Variants in TMEM132C observed in about 807,000 individuals in gnomAD.
TMEM132C encodes transmembrane protein 132C, also known as protein phosphatase 1, regulatory subunit 152.
A neutral mutation model predicts 61.4 loss-of-function variants in TMEM132C; 29 were observed. That is an observed-to-expected ratio of 0.47 (90% CI 0.35 to 0.64). TMEM132C has a LOEUF of 0.64. TMEM132C is among the 30% of genes least tolerant of loss of function. TMEM132C has a pLI of 0.00. For missense variants in TMEM132C, 1,408 were observed against 1,476.9 expected (o/e 0.95, Z 0.76); for synonymous variants, 656 against 633.1 (o/e 1.04, Z -0.54).
intron 5 of TMEM132C, among the ~76,000 whole-genome samples, chr12:128,680,789 T>C (rs1954628267): frequency 6.6e-6 from 1 of 152,234 alleles, no homozygotes; most frequent in South Asian, 2.1e-4. Context: ...GATAATATCC[T>C]GTTCTAATAA....
chr12:128,540,391 C>T (rs1873694083), intron 2 of TMEM132C, among the ~76,000 whole-genome samples: 1 of 152,074 alleles, frequency 6.6e-6, no homozygotes, highest in Non-Finnish European at 1.5e-5. Flanking sequence ...GTAGCTGGGA[C>T]TACAGGCATG....
In TMEM132C at chr12:128,665,559, A is replaced by G. The variant is rs201373040; in HGVS notation, c.1306-3858A>G. 8.2e-4 allele frequency among the ~76,000 whole-genome samples: 123 copies of G among 150,878 alleles called. No individual in the cohort carries two copies. In the East Asian group the frequency reaches 0.013, roughly 16 times the overall value. ...AATGCAGGCGCAAAAATACAGGCGC[A>G]CACACACACACAGGCATATGCACCC... On this transcript the variant is annotated intron_variant, in intron 4 of 8. Coordinates refer to ENST00000435159, the MANE Select transcript of TMEM132C (RefSeq NM_001136103.3).
chr12:128,434,600 A>G (rs1055912799), intron 2 of TMEM132C, among the ~76,000 whole-genome samples: 1 of 148,880 alleles, frequency 6.7e-6, no homozygotes, highest in African/African-American at 2.5e-5. Flanking sequence ...GATAATTTAT[A>G]TTTCTTTTTT....
intron 2 of TMEM132C, among the ~76,000 whole-genome samples, chr12:128,446,424 T>C (rs925529544): frequency 2.6e-5 from 4 of 152,222 alleles, no homozygotes; most frequent in Non-Finnish European, 5.9e-5. Flanking sequence ...GCGTCTTCCG[T>C]AAGAAAGTCT....
At chr12:128,602,865 C>A (rs1345135620) in intron 3 of TMEM132C, among the ~76,000 whole-genome samples, 1 of 152,230 alleles carries the variant, frequency 6.6e-6, no homozygotes, top group Non-Finnish European at 1.5e-5. Context: ...ATGCTGCCAG[C>A]AAAGTGCAGA....
intron 2 of TMEM132C, among the ~76,000 whole-genome samples, chr12:128,475,450 G>A (rs1407267307): frequency 2.6e-5 from 4 of 151,940 alleles, no homozygotes; most frequent in Non-Finnish European, 5.9e-5. Context: ...TTGCACTTGG[G>A]GTGATAAAAA....
At chr12:128,304,470 A>G (rs889883739) in intron 1 of TMEM132C, among the ~76,000 whole-genome samples, 2 of 152,122 alleles carry the variant, frequency 1.3e-5, no homozygotes, top group African/African-American at 4.8e-5. Context: ...TTAGCTGGGC[A>G]TGGTGGCGGG....
At chr12:128,339,962 C>T (rs1266602266) in intron 1 of TMEM132C, among the ~76,000 whole-genome samples, 1 of 152,166 alleles carries the variant, frequency 6.6e-6, no homozygotes, top group Non-Finnish European at 1.5e-5. Context: ...CAAACTTGGT[C>T]ATCAATGCAA....
intron 2 of TMEM132C, among the ~76,000 whole-genome samples, chr12:128,516,399 G>A (rs1324145156): frequency 6.6e-6 from 1 of 152,144 alleles, no homozygotes; most frequent in Non-Finnish European, 1.5e-5. Context: ...CCACGTCCGA[G>A]GCGTTCCATA....
chr12:128,300,583 G>A lies in TMEM132C; in HGVS notation c.85+33096G>A, dbSNP rs1039616438. Among the ~76,000 whole-genome samples the A allele has an allele frequency of 1.3e-4, 20 of 152,258 alleles. No individual in the cohort carries two copies. The East Asian group carries it at 3.7e-3, about 28-fold the overall frequency. ...CTCTAAGCCTATGAGAGGACACCAA[G>A]CAGCCGTATTTTCCATAAGTGATTC... On this transcript the variant is annotated intron_variant, in intron 1 of 8. Transcript: ENST00000435159.
chr12:128,375,149 T>G (rs1874155339), intron 1 of TMEM132C, among the ~76,000 whole-genome samples: 1 of 151,690 alleles, frequency 6.6e-6, no homozygotes, highest in Non-Finnish European at 1.5e-5. Flanking sequence ...TGCCCTTAGA[T>G]CTTACCAAAT....
At chr12:128,478,480 A>G (rs1484941822) in intron 2 of TMEM132C, among the ~76,000 whole-genome samples, 2 of 152,194 alleles carry the variant, frequency 1.3e-5, no homozygotes, top group African/African-American at 4.8e-5. Flanking sequence ...CCCAAAGAAC[A>G]CTAGAAATTT....
chr12:128,333,005 G>T (rs1872699820), intron 1 of TMEM132C, among the ~76,000 whole-genome samples: 2 of 152,178 alleles, frequency 1.3e-5, no homozygotes, highest in Admixed American at 6.5e-5. Flanking sequence ...TGAAAAGTAA[G>T]GTTTAGATGC....
intron 1 of TMEM132C, among the ~76,000 whole-genome samples, chr12:128,289,744 CA>C (rs1235535776): frequency 1.3e-5 from 2 of 152,224 alleles, no homozygotes; most frequent in African/African-American, 4.8e-5. Context: ...ATTTACTTAA[CA>C]ACAGCTTTTC....
intron 3 of TMEM132C, among the ~76,000 whole-genome samples, chr12:128,545,249 T>C (rs1351167852): frequency 3.3e-5 from 5 of 152,246 alleles, no homozygotes; most frequent in Admixed American, 1.3e-4. Flanking sequence ...TCCATTAATT[T>C]GCTTAGGATA....
intron 4 of TMEM132C, among the ~76,000 whole-genome samples, chr12:128,667,990 G>A (rs1050854659): frequency 2.6e-5 from 4 of 152,190 alleles, no homozygotes; most frequent in African/African-American, 9.6e-5. Context: ...AAAAATGAAG[G>A]TGCCAAGCAC....
chr12:128,288,404 A>G (rs7972939), intron 1 of TMEM132C: 45,481 of 152,044 alleles, frequency 0.3, 7,136 homozygotes, highest in Middle Eastern at 0.37. Context: ...AGGGCTCAGA[A>G]GCCCTCTGCC....
intron 4 of TMEM132C, among the ~76,000 whole-genome samples, chr12:128,648,622 A>ATT (rs1222555133): frequency 6.8e-6 from 1 of 146,478 alleles, no homozygotes; most frequent in Non-Finnish European, 1.5e-5. Context: ...TCAGCGTTGG[A>ATT]TGAGTGTGTT....
intron 4 of TMEM132C, among the ~76,000 whole-genome samples, chr12:128,665,768 C>CT (rs1425600680): frequency 7.0e-6 from 1 of 142,414 alleles, no homozygotes; most frequent in African/African-American, 2.9e-5. Context: ...TACTCATAAG[C>CT]ACACAGGCAC....
Sources: allele counts gnomAD v4.1 joint callset (sites outside exome capture counted in the v4.1 genomes callset), GRCh38; gene constraint gnomAD v4.1.1; transcripts MANE v1.5; gene names NCBI Gene and HGNC (gene_info 2026-07-23, HGNC 2026-07-21).